Variants in CASP8 observed in about 807,000 individuals in gnomAD.
CASP8 encodes the protein caspase-8.
Under a neutral mutation model 46.3 loss-of-function variants are expected in CASP8, and 24 were observed. That is an observed-to-expected ratio of 0.52 (90% CI 0.38 to 0.73). CASP8 has a LOEUF of 0.73. Among genes scored for constraint, CASP8 ranks in the 30% least tolerant of loss-of-function variants. The pLI is 0.00. For synonymous variants in CASP8, 188 were observed against 200.4 expected, an observed-to-expected ratio of 0.94 and a Z score of 0.52; for missense variants, 460 against 559.0, an observed-to-expected ratio of 0.82 and a Z score of 1.79.
chr2:201,265,425 G>GTGGGAGC lies in CASP8; in HGVS notation c.-26-1034_-26-1028dup, dbSNP rs371323029. Among the ~76,000 whole-genome samples, 737 of 151,918 alleles carry GTGGGAGC rather than the reference G, an allele frequency of 4.9e-3. 3 individuals are homozygous for GTGGGAGC. Among genetic ancestry groups the GTGGGAGC allele is most frequent in the Admixed American group, 7.6e-3 (116 of 15,254 alleles). On this transcript the variant is annotated intron_variant, in intron 1 of 8. Transcript: ENST00000673742. Reference sequence around the variant, plus strand: ...AAATACCGTATGTTCTCACTTAAAAGTGGGAGCTAAGCTATGAGGATGCAA... The same window carrying GTGGGAGC: ...AAATACCGTATGTTCTCACTTAAAAGTGGGAGCTGGGAGCTAAGCTATGAGGATGCAA...
rs562716991 is a variant in CASP8, at chr2:201,238,130, A to C, written c.-27+4018A>C. Among the ~76,000 whole-genome samples, 444 of 152,298 alleles carry C rather than the reference A, an allele frequency of 2.9e-3. 3 individuals carry two copies. The highest frequency in any genetic ancestry group is 1.0e-2 in the African/African-American group (415 of 41,558). ...GATATCAAAGAGGAAGAGTATTCCA[A>C]GTGGGGGTAACAAATAACAAGGGAG... On this transcript the variant is annotated intron_variant, in intron 2 of 6. Coordinates refer to the CASP8 transcript ENST00000264274.
chr2:201,253,493 A>C (rs1946880453), intron 2 of CASP8, among the ~76,000 whole-genome samples: 1 of 151,818 alleles, frequency 6.6e-6, no homozygotes, highest in African/African-American at 2.4e-5. Context: ...ATGATATAAA[A>C]TAGGGAAAAT....
At position 201,285,219 on chromosome 2, in the gene CASP8, G is replaced by T. The variant is rs2125489113; in HGVS notation, c.1206G>T (p.Gly402=). Residue 402 remains glycine (G), a synonymous_variant, in exon 8 of 9, where the codon GGG becomes GGT. Coordinates refer to ENST00000673742, the MANE Select transcript of CASP8 (RefSeq NM_001372051.1). ...CGGATGAGGCTGACTTTCTGCTGGGGATGGCCACTGTGAATAACTGTGTTT... is the reference window on the plus strand; with the variant it reads ...CGGATGAGGCTGACTTTCTGCTGGGTATGGCCACTGTGAATAACTGTGTTT... The part of the protein sequence containing the change: ...YIPDEADFLL[G]MATVNNCVSY... The T allele has an allele frequency of 6.2e-7, 1 of 1,614,194 alleles. No individual in the cohort carries two copies. Among genetic ancestry groups the T allele is most frequent in the African/African-American group, 1.3e-5 (1 of 75,026 alleles).
intron 2 of CASP8, among the ~76,000 whole-genome samples, chr2:201,245,810 G>A (rs2124945730): frequency 6.6e-6 from 1 of 152,034 alleles, no homozygotes; most frequent in Non-Finnish European, 1.5e-5. Flanking sequence ...CCCTTTCCTG[G>A]CCCTTTGGCC....
intron 2 of CASP8, among the ~76,000 whole-genome samples, chr2:201,245,816 T>C (rs1946487508): frequency 6.6e-6 from 1 of 152,100 alleles, no homozygotes; most frequent in East Asian, 1.9e-4. Flanking sequence ...CCTGGCCCTT[T>C]GGCCAGAGAG....
chr2:201,251,139 TTATC>T, intron 2 of CASP8, among the ~76,000 whole-genome samples: 1 of 152,356 alleles, frequency 6.6e-6, no homozygotes, highest in African/African-American at 2.4e-5. Flanking sequence ...GTGCCACAGT[TTATC>T]CATTCATTTA....
Position 201,266,750 on chromosome 2 carries a change from G to C in CASP8, c.264G>C (p.Arg88Ser), listed in dbSNP as rs1947852973. Residue 88 changes from arginine to serine, a missense_variant, in exon 2 of 9, where the codon AGG becomes AGC. Transcript: ENST00000673742. This position sits in a 1 kb window ranked among gnomAD's most constrained non-coding sequence, Gnocchi z 5.7. The stretch of plus-strand genomic sequence containing the variant: ...ACACTAGAAAGGAGGAGATGGAAAG[G>C]GAACTTCAGACACCAGGCAGGGCTC... ...YLNTRKEEME[R>S]ELQTPGRAQI... 1 of 1,613,580 alleles carries C rather than the reference G, an allele frequency of 6.2e-7. No individual in the cohort carries two copies. The highest frequency in any genetic ancestry group is 2.2e-5 in the East Asian group (1 of 44,878).
At chr2:201,263,756 C>G (rs996440970) in intron 1 of CASP8, among the ~76,000 whole-genome samples, 1 of 152,176 alleles carries the variant, frequency 6.6e-6, no homozygotes, top group African/African-American at 2.4e-5. Flanking sequence ...ATTGTAAAGA[C>G]AGTTGACCTA....
intron 6 of CASP8, among the ~76,000 whole-genome samples, chr2:201,276,616 C>T (rs539416813): frequency 6.6e-6 from 1 of 152,188 alleles, no homozygotes; most frequent in Non-Finnish European, 1.5e-5. Flanking sequence ...CTCAGGAGGC[C>T]CAGGTATTGG....
chr2:201,264,357 C>A (rs1947642606), intron 1 of CASP8, among the ~76,000 whole-genome samples: 1 of 150,860 alleles, frequency 6.6e-6, no homozygotes, highest in South Asian at 2.1e-4. Context: ...ACAGAGATGG[C>A]TAAATTACCC....
chr2:201,244,139 A>G (rs1406615041), intron 2 of CASP8, among the ~76,000 whole-genome samples: 1 of 152,228 alleles, frequency 6.6e-6, no homozygotes, highest in Non-Finnish European at 1.5e-5. Context: ...TGCAGTTACA[A>G]TAAATAGACC....
At chr2:201,257,791 G>C (rs1219316062), upstream of CASP8, among the ~76,000 whole-genome samples, 1 of 152,192 alleles carries the variant, frequency 6.6e-6, no homozygotes, top group Non-Finnish European at 1.5e-5. Flanking sequence ...TCAGTGCTGA[G>C]GTTTGATCAA....
chr2:201,237,577 G>A (rs546532382), intron 2 of CASP8, among the ~76,000 whole-genome samples: 21 of 152,102 alleles, frequency 1.4e-4, no homozygotes, highest in East Asian at 5.8e-4. Flanking sequence ...AATTTGTATC[G>A]AAACCTTACA....
At chr2:201,255,410 A>G (rs1222416957) in intron 2 of CASP8, among the ~76,000 whole-genome samples, 3 of 152,104 alleles carry the variant, frequency 2.0e-5, no homozygotes, top group Admixed American at 2.0e-4. Flanking sequence ...ATATATACAC[A>G]CACACTGGGA....
intron 7 of CASP8, among the ~76,000 whole-genome samples, chr2:201,279,630 A>G (rs1276213164): frequency 6.6e-6 from 1 of 152,234 alleles, no homozygotes; most frequent in Non-Finnish European, 1.5e-5. Context: ...ATGGACAACC[A>G]AAGGTCAGCA....
intron 1 of CASP8, among the ~76,000 whole-genome samples, chr2:201,264,917 C>A (rs1462802626): frequency 6.6e-6 from 1 of 152,156 alleles, no homozygotes; most frequent in Non-Finnish European, 1.5e-5. Context: ...AGTTTGTCAT[C>A]AGGAGGGTGA....
Position 201,242,667 on chromosome 2 carries a change from A to G in CASP8, c.-27+8555A>G, listed in dbSNP as rs369106759. 1.1e-4 allele frequency: 17 copies of G among 150,146 alleles called. 1 individual carries two copies. Among genetic ancestry groups the G allele is most frequent in the African/African-American group, 4.1e-4 (17 of 41,008 alleles). The allele number at this position is 150,146 out of a possible 1,614,324, so 9.3% of individuals were successfully genotyped here. ...GTGATCTCTATTAACATCCCAATGG[A>G]TTTTTTTTTTACAGAAAAAAACCTC... On this transcript the variant is annotated intron_variant, in intron 2 of 6. Transcript: ENST00000264274.
At chr2:201,258,466 G>C (rs927309385), upstream of CASP8, 4 of 1,551,674 alleles carry the variant, frequency 2.6e-6, no homozygotes, top group African/African-American at 1.4e-5. Flanking sequence ...ACAGGGCTGT[G>C]GGGGTGGGGA....
chr2:201,279,175 T>C (rs1948838507), intron 7 of CASP8, among the ~76,000 whole-genome samples: 1 of 152,196 alleles, frequency 6.6e-6, no homozygotes, highest in South Asian at 2.1e-4. Context: ...AAAGCCTATA[T>C]AAGCCTATAC....
Sources: gnomAD v4.1 joint callset for allele counts (sites outside exome capture counted in the v4.1 genomes callset) on GRCh38, gnomAD v4.1.1 for gene constraint, Gnocchi (gnomAD v3.1) non-coding constraint, MANE v1.5 for transcripts, NCBI Gene and HGNC (gene_info 2026-07-23, HGNC 2026-07-21) for gene names.